Variants in DCAF5 observed in about 807,000 individuals in gnomAD.
DCAF5 encodes the protein DDB1- and CUL4-associated factor 5.
A neutral mutation model predicts 80.7 loss-of-function variants in DCAF5; 9 were observed. That is an observed-to-expected ratio of 0.11 (90% confidence interval 0.07 to 0.19). The LOEUF (loss-of-function observed/expected upper bound fraction) is 0.19. Ranked by LOEUF, DCAF5 falls within the 10% of genes least tolerant of loss-of-function variation. The pLI, the probability that DCAF5 is intolerant of heterozygous loss-of-function variation, is 1.00. For missense variants in DCAF5, 842 were observed against 1,205.7 expected (o/e 0.70, Z 4.47); for synonymous variants, 433 against 461.9 (o/e 0.94, Z 0.80).
Position 69,118,749 on chromosome 14 carries a change from C to T in DCAF5, c.395+445G>A, listed in dbSNP as rs2040615144. Among the ~76,000 whole-genome samples, 1 of 152,176 alleles carries T rather than the reference C, an allele frequency of 6.6e-6. No individual in the cohort carries two copies. ...TCAGGTTTTAGTACCACCTGACCTT[C>T]TGTTATCTAACATGTCTGTGACTCC... is the stretch of plus-strand genomic sequence containing the variant. On this transcript the variant is annotated intron_variant, in intron 3 of 8. Coordinates refer to ENST00000341516, the MANE Select transcript of DCAF5 (RefSeq NM_003861.3). This position sits in a 1 kb window ranked among gnomAD's most constrained non-coding sequence, Gnocchi z 4.0.
At position 69,152,521 on chromosome 14, in the gene DCAF5, T is replaced by C. The variant is rs1002306909; in HGVS notation, c.214+244A>G. On this transcript the variant is annotated intron_variant, in intron 1 of 8. Coordinates refer to ENST00000341516, the MANE Select transcript of DCAF5 (RefSeq NM_003861.3). The surrounding 1 kb of genome is among the most constrained non-coding windows in gnomAD (Gnocchi z 4.1). Reference sequence around the variant, plus strand: ...GGGCAGGCATCAGGAGAGATCACTTTGCACTTGGGATAAAGCGAATTAAGG... The same window carrying C: ...GGGCAGGCATCAGGAGAGATCACTTCGCACTTGGGATAAAGCGAATTAAGG... 1.9e-6 allele frequency: 1 copy of C among 534,382 alleles called. No individual in the cohort carries two copies. The highest frequency in any genetic ancestry group is 2.2e-5 in the South Asian group (1 of 46,002). The allele number at this position is 534,382 out of a possible 1,614,324, so 33.1% of individuals were successfully genotyped here. A position where few individuals can be genotyped will look rare whatever the true frequency, so the allele number is the denominator to read the frequency against.
rs1166414056 is a variant in DCAF5, at chr14:69,152,999, C to G, written c.-21G>C. ...TTCATGCTGGAACCGCCGCCGCCGC[C>G]GCTCGCGCCGCCGCCCCTCCCTCGG... On this transcript the variant is annotated 5_prime_UTR_variant, in exon 1 of 9. Transcript: ENST00000341516. This position sits in a 1 kb window ranked among gnomAD's most constrained non-coding sequence, Gnocchi z 4.1. 6.5e-7 allele frequency: 1 copy of G among 1,532,602 alleles called. No homozygotes were observed. The highest frequency in any genetic ancestry group is 1.4e-5 in the African/African-American group (1 of 70,040). 94.9% of individuals were successfully genotyped at this position (1,532,602 alleles called of 1,614,324 possible).
intron 8 of DCAF5, among the ~76,000 whole-genome samples, chr14:69,059,590 C>T (rs4899280): frequency 0.42 from 63,517 of 152,028 alleles, 14,748 homozygotes; most frequent in East Asian, 0.97. Flanking sequence ...TTCAGGATAA[C>T]GTAAGTGCAG....
intron 5 of DCAF5, among the ~76,000 whole-genome samples, chr14:69,095,520 GTTTAT>G (rs1182617267): frequency 2.7e-5 from 4 of 150,072 alleles, no homozygotes; most frequent in African/African-American, 7.2e-5. Context: ...CTCCTGTGGG[GTTTAT>G]TTTGTTTTGT....
chr14:69,059,536 T>C (rs1245174565), intron 8 of DCAF5, among the ~76,000 whole-genome samples: 3 of 152,218 alleles, frequency 2.0e-5, no homozygotes, highest in Admixed American at 1.3e-4. Context: ...GCACCCTCAC[T>C]TTCCAGATGG....
At chr14:69,117,799 G>A (rs1262914705) in intron 4 of DCAF5, among the ~76,000 whole-genome samples, 2 of 152,168 alleles carry the variant, frequency 1.3e-5, no homozygotes, top group African/African-American at 4.8e-5. Context: ...AAACTAGGAT[G>A]CAGGAAAGTG....
In DCAF5 at chr14:69,055,121, T is replaced by C. The variant is rs867175047; in HGVS notation, c.1565A>G (p.Lys522Arg). The change falls in exon 9 of 9, where the codon AAA (lysine) becomes AGA (arginine). Residue 522 changes from lysine (K) to arginine (R), a missense_variant. Lys to Arg is a conservative substitution (Grantham distance 26). Transcript: ENST00000341516. The surrounding 1 kb of genome is among the most constrained non-coding windows in gnomAD (Gnocchi z 5.6). ...CTCATTGGAAAGGGCCAGGAGGCGT[T>C]TGTCTTGGTAGCGCCGCAGAGCAGA... Reference protein sequence around the residue: ...RLSALRRYQDKRLLALSNESD... With the variant: ...RLSALRRYQDRRLLALSNESD... The C allele has an allele frequency of 1.2e-6, 2 of 1,614,188 alleles. No homozygotes were observed. Among genetic ancestry groups the C allele is most frequent in the Middle Eastern group, 3.3e-4 (2 of 6,062 alleles).
chr14:69,074,264 C>A (rs1021378283), intron 7 of DCAF5, among the ~76,000 whole-genome samples: 1 of 152,172 alleles, frequency 6.6e-6, no homozygotes, highest in African/African-American at 2.4e-5. Context: ...TCATGTATCA[C>A]CTGGAACAGG....
chr14:69,101,940 T>C (rs2039966109), intron 5 of DCAF5, among the ~76,000 whole-genome samples: 1 of 152,136 alleles, frequency 6.6e-6, no homozygotes, highest in Non-Finnish European at 1.5e-5. Context: ...CTTGCAGGAC[T>C]GGAAGTTGCT....
rs2140139534 is a variant in DCAF5, at chr14:69,152,721, G to C, written c.214+44C>G. On this transcript the variant is annotated intron_variant, in intron 1 of 8. Transcript: ENST00000341516. The surrounding 1 kb of genome is among the most constrained non-coding windows in gnomAD (Gnocchi z 4.1). ...GGGGGAGAGCGAGAGGGGGAGGCTG[G>C]GAGGGTGCGGGGAGGCGCGGGGAGG... 1.3e-6 allele frequency: 2 copies of C among 1,495,780 alleles called. No homozygotes were observed. Among genetic ancestry groups the C allele is most frequent in the South Asian group, 1.2e-5 (1 of 83,554 alleles). The allele number at this position is 1,495,780 out of a possible 1,614,324, so 92.7% of individuals were successfully genotyped here. A position where few individuals can be genotyped will look rare whatever the true frequency, so the allele number is the denominator to read the frequency against.
At chr14:69,139,182 G>A (rs1454104720) in intron 1 of DCAF5, among the ~76,000 whole-genome samples, 1 of 151,394 alleles carries the variant, frequency 6.6e-6, no homozygotes, top group Non-Finnish European at 1.5e-5. Context: ...GAGAGAGAAA[G>A]AAGAAAAAAA....
At chr14:69,083,470 C>A in intron 6 of DCAF5, 2 of 326,164 alleles carry the variant, frequency 6.1e-6, no homozygotes, top group Admixed American at 3.6e-5. Flanking sequence ...GCAGTGGAAC[C>A]TAAAGTTGCA....
intron 5 of DCAF5, among the ~76,000 whole-genome samples, chr14:69,093,350 A>C (rs1307755229): frequency 6.6e-6 from 1 of 152,206 alleles, no homozygotes; most frequent in Non-Finnish European, 1.5e-5. Flanking sequence ...TAGAGAAAAA[A>C]GTTTATAAAT....
intron 1 of DCAF5, among the ~76,000 whole-genome samples, chr14:69,136,886 TAA>T (rs1199722372): frequency 2.0e-5 from 3 of 152,164 alleles, no homozygotes; most frequent in African/African-American, 4.8e-5. Flanking sequence ...GAAAAAATAT[TAA>T]GTTTTAAAAT....
rs780832932 is a variant in DCAF5, at chr14:69,054,466, A to T, written c.2220T>A (p.Thr740=). The change falls in exon 9 of 9, where the codon ACT becomes ACA. Residue 740 remains threonine, a synonymous_variant. Transcript: ENST00000341516. ...KDTFKEETPR[T]PSNGPGHEHS... ...GCTCATGGCCTGGGCCATTGCTGGG[A>T]GTTCTAGGAGTCTCTTCTTTAAAAG... is the stretch of plus-strand genomic sequence containing the variant. The T allele has an allele frequency of 3.1e-6, 5 of 1,613,766 alleles. No individual in the cohort carries two copies. Among genetic ancestry groups the T allele is most frequent in the Non-Finnish European group, 4.2e-6 (5 of 1,180,002 alleles).
rs981924537 is a variant in DCAF5 at position 69,054,865 on chromosome 14, G to A, written c.1821C>T (p.Asn607=). Residue 607 remains asparagine, a synonymous_variant, in exon 9 of 9, where the codon AAC becomes AAT. Coordinates refer to ENST00000341516, the MANE Select transcript of DCAF5 (RefSeq NM_003861.3). ...DKPSAPIKPT[N]TYIGEDNYDY... is the part of the protein sequence containing the mutation. ...CATAGTTGTCTTCTCCAATGTAAGT[G>A]TTGGTGGGCTTGATTGGGGCACTGG... 9 of 1,614,074 alleles carry A rather than the reference G, an allele frequency of 5.6e-6. No individual in the cohort carries two copies. The East Asian group carries it at 1.3e-4, about 24-fold the overall frequency.
chr14:69,067,697 C>A (rs973902791), intron 7 of DCAF5, among the ~76,000 whole-genome samples: 16 of 151,374 alleles, frequency 1.1e-4, no homozygotes, highest in Non-Finnish European at 2.2e-4. Flanking sequence ...AGTGCAGTGG[C>A]GTGATCTCGG....
intron 7 of DCAF5, among the ~76,000 whole-genome samples, chr14:69,065,923 G>A (rs1367109958): frequency 6.6e-6 from 1 of 152,084 alleles, no homozygotes; most frequent in Non-Finnish European, 1.5e-5. Context: ...AAGACTGTGG[G>A]TAAGGGCCCA....
At chr14:69,141,695 G>A (rs1018124394) in intron 1 of DCAF5, among the ~76,000 whole-genome samples, 5 of 152,156 alleles carry the variant, frequency 3.3e-5, no homozygotes, top group Admixed American at 2.6e-4. Flanking sequence ...GGCAGGTGAC[G>A]TAGAGTTACC....
Sources: allele counts gnomAD v4.1 joint callset (sites outside exome capture counted in the v4.1 genomes callset), GRCh38; gene constraint gnomAD v4.1.1; non-coding constraint Gnocchi (gnomAD v3.1); transcripts MANE v1.5; gene names NCBI Gene and HGNC (gene_info 2026-07-23, HGNC 2026-07-21).